The following TEX35 variants were observed in gnomAD, a reference collection of about 807,000 sequenced individuals.
The protein encoded by TEX35 is testis expressed 35.
TEX35 carries 26 observed loss-of-function variants against 31.9 expected under a neutral mutation model. The ratio of observed to expected loss-of-function variants is 0.81; its 90% CI spans 0.60 to 1.13. The LOEUF (loss-of-function observed/expected upper bound fraction) is 1.13. Among genes scored for constraint, TEX35 ranks in the 50% most tolerant of loss-of-function variants. TEX35 has a pLI of 0.00. For missense variants in TEX35, 278 were observed against 273.5 expected (o/e 1.02, Z -0.12); for synonymous variants, 87 against 90.7 (o/e 0.96, Z 0.23).
chr1:178,515,955 T>C, intron 4 of TEX35, 40 bp downstream of exon 4: 3 of 1,507,042 alleles, frequency 2.0e-6, no homozygotes, highest in Non-Finnish European at 9.2e-7. Flanking sequence ...AGGGAAAGTG[T>C]AGCTTCAGGA....
Position 178,518,386 on chromosome 1 carries a change from C to T in TEX35, c.276+1712C>T, listed in dbSNP as rs187212577. Among the ~76,000 whole-genome samples the T allele has an allele frequency of 2.4e-3, 366 of 152,082 alleles. 2 individuals are homozygous for T. Among genetic ancestry groups the T allele is most frequent in the Non-Finnish European group, 4.1e-3 (276 of 67,984 alleles). ...TAACCTATGAGAATAATCAGAAACG[C>T]CATCATGGGTATACATAAAAAGATG... On this transcript the variant is annotated intron_variant, in intron 5 of 8. Coordinates refer to ENST00000319416, the MANE Select transcript of TEX35 (RefSeq NM_032126.5).
intron 2 of TEX35, chr1:178,514,301 A>G: frequency 7.0e-7 from 1 of 1,427,258 alleles, no homozygotes; most frequent in Non-Finnish European, 9.3e-7. Context: ...CTGGGAATCA[A>G]GACAGGGAGA....
chr1:178,521,008 G>T, intron 7 of TEX35, 134 bp downstream of exon 7: 1 of 1,539,862 alleles, frequency 6.5e-7, no homozygotes, highest in South Asian at 1.2e-5. Context: ...GGTGCCGCCC[G>T]AGCCTGCGCC....
In TEX35 at chr1:178,521,206, T is replaced by A; in HGVS notation, c.544-16T>A. 1 of 1,614,202 alleles carries A rather than the reference T, an allele frequency of 6.2e-7. No homozygotes were observed. Among genetic ancestry groups the A allele is most frequent in the Non-Finnish European group, 8.5e-7 (1 of 1,180,034 alleles). On this transcript the variant is annotated splice_polypyrimidine_tract_variant and intron_variant, in intron 7 of 8. Transcript: ENST00000319416. ...GGGGAAATTGATCTTTCTTGTGCCG[T>A]TTCTGTCCTCTGCAGGAGAAATGTT...
chr1:178,518,414 C>T (rs1415159749), intron 5 of TEX35, among the ~76,000 whole-genome samples: 1 of 151,986 alleles, frequency 6.6e-6, no homozygotes, highest in East Asian at 1.9e-4. Context: ...AAAAGATGTT[C>T]ATGACAGGAT....
intron 8 of TEX35, 198 bp from the exon 9 acceptor site, chr1:178,522,127 A>C: frequency 1.3e-6 from 1 of 771,252 alleles, no homozygotes; most frequent in Non-Finnish European, 2.0e-6. Context: ...CCACCTGTGC[A>C]TGGGGCCAGG....
Position 178,516,177 on chromosome 1 carries a change from A to G in TEX35, c.216+262A>G, listed in dbSNP as rs569526177. 4.2e-3 allele frequency among the ~76,000 whole-genome samples: 645 copies of G among 152,354 alleles called. 3 individuals are homozygous for G. The highest frequency in any genetic ancestry group is 7.4e-3 in the Non-Finnish European group (506 of 68,038). On this transcript the variant is annotated intron_variant, in intron 4 of 8. Transcript: ENST00000319416. ...CACCTTAGTGATGAAGCTGAGTAAGAGGGGCTGATTTGGAATATGAATTTA... is the reference window on the plus strand; with the variant it reads ...CACCTTAGTGATGAAGCTGAGTAAGGGGGGCTGATTTGGAATATGAATTTA...
rs201397420 is a variant in TEX35 at position 178,515,916 on chromosome 1, G to A, written c.216+1G>A. The A allele has an allele frequency of 1.4e-5, 23 of 1,610,944 alleles. No homozygotes were observed. The Admixed American group carries it at 2.3e-4, about 16-fold the overall frequency. ...GGAGAAAATGGAGGAGATAAAACAG[G>A]TAAGAAGATGAGGCCTTCCATATCA... On this transcript the variant is annotated splice_donor_variant, in intron 4 of 8. Transcript: ENST00000319416. LOFTEE classifies it high-confidence loss of function.
At chr1:178,523,280 A>G (rs368431756), downstream of TEX35, 1 of 701,290 alleles carries the variant, frequency 1.4e-6, no homozygotes, top group Non-Finnish European at 2.6e-6. Flanking sequence ...TCTCTTCAAT[A>G]TGCTGATTTT....
rs377486730 is a variant in TEX35, at chr1:178,514,051, C to T, written c.64C>T (p.Leu22=). The change falls in exon 2 of 9, where the codon CTG becomes TTG. Residue 22 remains leucine, a synonymous_variant. Transcript: ENST00000319416. ...GAGCAAGAACTACAAGGCAGTTTGCCTGGAATTGAAGCCAGAGCCGACCAA... is the reference window on the plus strand; with the variant it reads ...GAGCAAGAACTACAAGGCAGTTTGCTTGGAATTGAAGCCAGAGCCGACCAA... The part of the protein sequence containing the change: ...HLSKNYKAVC[L]ELKPEPTKTF... The T allele has an allele frequency of 6.2e-6, 10 of 1,614,068 alleles. No homozygotes were observed. Among genetic ancestry groups the T allele is most frequent in the African/African-American group, 1.3e-5 (1 of 74,926 alleles).
At chr1:178,520,912 G>C in intron 7 of TEX35, 38 bp downstream of exon 7, 2 of 1,610,954 alleles carry the variant, frequency 1.2e-6, no homozygotes, top group Non-Finnish European at 1.7e-6. Flanking sequence ...ACTGGTGCCA[G>C]ACCCCTGGCT....
chr1:178,519,674 T>C (rs12747346), intron 5 of TEX35, among the ~76,000 whole-genome samples: 29,491 of 152,184 alleles, frequency 0.19, 4,798 homozygotes, highest in African/African-American at 0.45. Flanking sequence ...ATGAAAATTA[T>C]TTTATTGGAA....
At chr1:178,521,340 G>T in intron 8 of TEX35, 76 bp downstream of exon 8, 1 of 1,519,534 alleles carries the variant, frequency 6.6e-7, no homozygotes, top group Non-Finnish European at 9.1e-7. Context: ...GCTCCCAGCC[G>T]CATTCACATC....
chr1:178,514,146 G>A lies in TEX35; in HGVS notation c.90+69G>A, dbSNP rs772320019. On this transcript the variant is annotated intron_variant, in intron 2 of 8. Coordinates refer to ENST00000319416, the MANE Select transcript of TEX35 (RefSeq NM_032126.5). ...TCCATGGGGAAGTGACCAGGAGTCA[G>A]GGGTCATTTGCTGATCCTAGTGGCC... 1.2e-5 allele frequency: 19 copies of A among 1,612,564 alleles called. No individual in the cohort carries two copies. The South Asian group carries it at 1.9e-4, about 16-fold the overall frequency.
intron 5 of TEX35, 120 bp from the exon 6 acceptor site, chr1:178,520,252 C>G: frequency 9.9e-7 from 1 of 1,013,476 alleles, no homozygotes; most frequent in African/African-American, 1.6e-5. Flanking sequence ...AGCCACCTCA[C>G]CCAAGTCTAG....
intron 5 of TEX35, among the ~76,000 whole-genome samples, 162 bp from the exon 6 acceptor site, chr1:178,520,210 G>A (rs959097591): frequency 6.6e-6 from 1 of 152,106 alleles, no homozygotes; most frequent in Non-Finnish European, 1.5e-5. Context: ...ATGAGGAAGG[G>A]GAGAAGCTGT....
intron 5 of TEX35, 111 bp from the exon 6 acceptor site, chr1:178,520,261 A>G: frequency 9.2e-7 from 1 of 1,083,978 alleles, no homozygotes; most frequent in Non-Finnish European, 1.4e-6. Context: ...ACCCAAGTCT[A>G]GCGAGGATTC....
At chr1:178,516,546 AAAGATGCCACAACT>A in intron 4 of TEX35, 55 bp from the exon 5 acceptor site, 1 of 1,417,232 alleles carries the variant, frequency 7.1e-7, no homozygotes, top group African/African-American at 1.4e-5. Context: ...AAAATGCCTG[AAAGATGCCACAACT>A]AACCTCAATA....
intron 2 of TEX35, 30 bp downstream of exon 2, chr1:178,514,107 A>T: frequency 6.2e-7 from 1 of 1,614,148 alleles, no homozygotes; most frequent in Non-Finnish European, 8.5e-7. Flanking sequence ...CCATGCAGGC[A>T]GCCAGGCCTG....
Sources: gnomAD v4.1 joint callset for allele counts (sites outside exome capture counted in the v4.1 genomes callset) on GRCh38, gnomAD v4.1.1 for gene constraint, MANE v1.5 for transcripts, NCBI Gene and HGNC (gene_info 2026-07-23, HGNC 2026-07-21) for gene names.